The following CACNA2D3 variants were observed in gnomAD, a reference collection of about 807,000 sequenced individuals.
The protein encoded by CACNA2D3 is voltage-dependent calcium channel subunit alpha-2/delta-3.
A neutral mutation model predicts 160.6 loss-of-function variants in CACNA2D3; 60 were observed. The observed-to-expected ratio is 0.37, with a 90% CI of 0.30 to 0.46. The LOEUF (loss-of-function observed/expected upper bound fraction) is 0.46, where lower values mean the gene tolerates loss of function less well. Among genes scored for constraint, CACNA2D3 ranks in the 20% least tolerant of loss-of-function variants. The pLI is 1.00. For synonymous variants in CACNA2D3, 558 were observed against 492.9 expected, an observed-to-expected ratio of 1.13 and a Z score of -1.75; for missense variants, 1,205 against 1,365.0, an observed-to-expected ratio of 0.88 and a Z score of 1.85.
At chr3:54,388,692 G>C (rs979280034) in intron 4 of CACNA2D3, among the ~76,000 whole-genome samples, 1 of 121,854 alleles carries the variant, frequency 8.2e-6, no homozygotes, top group Non-Finnish European at 1.8e-5. Context: ...TTCTCACAAA[G>C]ATCTAGGGGC....
intron 6 of CACNA2D3, among the ~76,000 whole-genome samples, chr3:54,569,454 A>G (rs1702460289): frequency 6.6e-6 from 1 of 152,184 alleles, no homozygotes; most frequent in African/African-American, 2.4e-5. Context: ...CCCAGGTGCA[A>G]CAACTTGCTG....
chr3:54,850,003 C>G (rs1699021922), intron 17 of CACNA2D3, among the ~76,000 whole-genome samples: 1 of 152,196 alleles, frequency 6.6e-6, no homozygotes, highest in African/African-American at 2.4e-5. Flanking sequence ...CAAAGTGTCT[C>G]CAAGAACAGC....
At chr3:54,755,866 T>C (rs187278679) in intron 12 of CACNA2D3, among the ~76,000 whole-genome samples, 1 of 152,344 alleles carries the variant, frequency 6.6e-6, no homozygotes, top group African/African-American at 2.4e-5. Context: ...AGATTGCAAT[T>C]CTTCCATCAG....
At chr3:54,283,727 G>C (rs906055435) in intron 2 of CACNA2D3, among the ~76,000 whole-genome samples, 1 of 152,176 alleles carries the variant, frequency 6.6e-6, no homozygotes, top group Non-Finnish European at 1.5e-5. Flanking sequence ...CGACAGTGTT[G>C]TTCTTGACCT....
At chr3:54,931,985 A>G (rs988705788) in intron 27 of CACNA2D3, among the ~76,000 whole-genome samples, 13 of 152,086 alleles carry the variant, frequency 8.5e-5, no homozygotes, top group Non-Finnish European at 1.6e-4. Context: ...GTTCAAAGCC[A>G]ACCCAGGCAA....
intron 4 of CACNA2D3, among the ~76,000 whole-genome samples, chr3:54,422,349 T>C (rs1208728905): frequency 6.6e-6 from 1 of 152,202 alleles, no homozygotes; most frequent in Non-Finnish European, 1.5e-5. Context: ...TGTATCCGTC[T>C]CTGGTGCTAG....
At chr3:54,435,252 C>T (rs1285497468) in intron 4 of CACNA2D3, among the ~76,000 whole-genome samples, 1 of 152,160 alleles carries the variant, frequency 6.6e-6, no homozygotes, top group Non-Finnish European at 1.5e-5. Context: ...CCTAGTTCTG[C>T]AGGGAGAGAA....
chr3:54,361,546 G>A (rs753580467), intron 3 of CACNA2D3, among the ~76,000 whole-genome samples: 12 of 152,182 alleles, frequency 7.9e-5, no homozygotes, highest in Non-Finnish European at 1.8e-4. Flanking sequence ...TACAATCAGC[G>A]ACATCCCATG....
intron 13 of CACNA2D3, among the ~76,000 whole-genome samples, chr3:54,765,755 A>G (rs1275470939): frequency 6.6e-6 from 1 of 152,248 alleles, no homozygotes; most frequent in Admixed American, 6.5e-5. Context: ...CAATTAAAAC[A>G]TTATGGTAGT....
At chr3:54,245,500 C>T (rs1313096129) in intron 2 of CACNA2D3, among the ~76,000 whole-genome samples, 1 of 152,174 alleles carries the variant, frequency 6.6e-6, no homozygotes, top group Non-Finnish European at 1.5e-5. Context: ...GGCCTGCTCT[C>T]CCACCATCCA....
intron 14 of CACNA2D3, among the ~76,000 whole-genome samples, chr3:54,828,782 G>A (rs778969703): frequency 2.0e-5 from 3 of 152,178 alleles, no homozygotes; most frequent in Admixed American, 6.5e-5. Flanking sequence ...AAAATGCAGT[G>A]AAATCTCATG....
At chr3:54,127,289 C>T (rs1421754656) in intron 2 of CACNA2D3, among the ~76,000 whole-genome samples, 2 of 152,190 alleles carry the variant, frequency 1.3e-5, no homozygotes, top group Non-Finnish European at 2.9e-5. Flanking sequence ...TTACCAAACA[C>T]GCACATCTTG....
chr3:54,887,936 C>A (rs780755570), intron 23 of CACNA2D3, 23 bp from the exon 24 acceptor site: 2 of 1,599,144 alleles, frequency 1.3e-6, no homozygotes, highest in Admixed American at 1.7e-5. Context: ...CTGAAGCATC[C>A]TCTTGTCTGT....
intron 4 of CACNA2D3, among the ~76,000 whole-genome samples, chr3:54,398,209 GTC>G: frequency 7.7e-6 from 1 of 129,746 alleles, no homozygotes; most frequent in African/African-American, 2.9e-5. Flanking sequence ...GCCTATGTGT[GTC>G]TCTGCACGTG....
intron 35 of CACNA2D3, among the ~76,000 whole-genome samples, chr3:55,026,720 C>T (rs1462566943): frequency 6.6e-6 from 1 of 152,132 alleles, no homozygotes; most frequent in African/African-American, 2.4e-5. Flanking sequence ...GGAGAGATGA[C>T]AGAGGGGACA....
chr3:54,595,323 T>TGGGGGG (rs143145735), intron 9 of CACNA2D3, among the ~76,000 whole-genome samples: 14 of 150,152 alleles, frequency 9.3e-5, no homozygotes, highest in African/African-American at 3.2e-4. Flanking sequence ...GGTGTGTGTG[T>TGGGGGG]GTGTGTGTGT....
At chr3:54,649,095 A>G (rs1430154891) in intron 11 of CACNA2D3, among the ~76,000 whole-genome samples, 2 of 152,208 alleles carry the variant, frequency 1.3e-5, no homozygotes, top group Admixed American at 6.5e-5. Flanking sequence ...TTGATGCCGA[A>G]TACTCCTTTT....
intron 4 of CACNA2D3, among the ~76,000 whole-genome samples, chr3:54,433,945 G>A (rs1210019536): frequency 6.6e-6 from 1 of 152,218 alleles, no homozygotes; most frequent in Non-Finnish European, 1.5e-5. Context: ...GCAGAAGCAA[G>A]CAGCATTGCT....
chr3:54,410,205 A>G (rs1293962626), intron 4 of CACNA2D3, among the ~76,000 whole-genome samples: 4 of 152,022 alleles, frequency 2.6e-5, no homozygotes, highest in Non-Finnish European at 5.9e-5. Flanking sequence ...ACACAAAAAA[A>G]TAGCCAGGCG....
Sources: gnomAD v4.1 joint callset for allele counts (sites outside exome capture counted in the v4.1 genomes callset) on GRCh38, gnomAD v4.1.1 for gene constraint, MANE v1.5 for transcripts, NCBI Gene and HGNC (gene_info 2026-07-23, HGNC 2026-07-21) for gene names.